The following SV2C variants were observed in gnomAD, a reference collection of about 807,000 sequenced individuals.
SV2C encodes synaptic vesicle glycoprotein 2C.
SV2C carries 49 observed loss-of-function variants against 79.7 expected under a neutral mutation model. That is an observed-to-expected ratio of 0.61 (90% CI 0.49 to 0.78). The LOEUF (loss-of-function observed/expected upper bound fraction) is 0.78, where lower values mean the gene tolerates loss of function less well. Among genes scored for constraint, SV2C ranks in the 30% least tolerant of loss-of-function variants. The pLI, the probability that SV2C is intolerant of heterozygous loss-of-function variation, is 0.00. For synonymous variants in SV2C, 334 were observed against 333.2 expected, an observed-to-expected ratio of 1.00 and a Z score of -0.03; for missense variants, 833 against 912.9, an observed-to-expected ratio of 0.91 and a Z score of 1.13.
chr5:76,294,163 G>A (rs1270730619), intron 8 of SV2C, among the ~76,000 whole-genome samples: 1 of 152,142 alleles, frequency 6.6e-6, no homozygotes, highest in Non-Finnish European at 1.5e-5. Flanking sequence ...CTACTTTAGA[G>A]CAGCACAGTC....
the SV2C span, among the ~76,000 whole-genome samples, chr5:76,033,643 T>C: frequency 5.3e-5 from 8 of 152,226 alleles, no homozygotes; most frequent in Non-Finnish European, 2.9e-5. Flanking sequence ...CTGTTTTAGT[T>C]ACTGTAGCCT....
the SV2C span, among the ~76,000 whole-genome samples, chr5:75,903,484 A>G: frequency 6.6e-6 from 1 of 152,168 alleles, no homozygotes; most frequent in Admixed American, 6.5e-5. Flanking sequence ...TCTCAAAACA[A>G]GTGTGACCTA....
intron 1 of SV2C, among the ~76,000 whole-genome samples, chr5:76,122,447 C>T (rs1279248432): frequency 6.6e-6 from 1 of 151,928 alleles, no homozygotes; most frequent in Non-Finnish European, 1.5e-5. Context: ...CTGTCTTGTG[C>T]CAGTTTTCAA....
intron 4 of SV2C, chr5:76,280,828 C>T: frequency 5.2e-6 from 2 of 387,334 alleles, no homozygotes; most frequent in East Asian, 7.2e-5. Flanking sequence ...TTGGAGCCAG[C>T]AGTTGCAGCC....
At chr5:76,238,655 C>A (rs1034092177) in intron 4 of SV2C, among the ~76,000 whole-genome samples, 5 of 152,216 alleles carry the variant, frequency 3.3e-5, no homozygotes, top group African/African-American at 4.8e-5. Flanking sequence ...TAGCAGCAGG[C>A]AGCCTTTTAA....
At chr5:76,036,501 T>G in the SV2C span, among the ~76,000 whole-genome samples, 2 of 152,026 alleles carry the variant, frequency 1.3e-5, no homozygotes, top group Admixed American at 1.3e-4. Flanking sequence ...CCTTCACTTA[T>G]GAAGCTTAGT....
At chr5:76,149,079 C>T (rs1749523091) in intron 2 of SV2C, among the ~76,000 whole-genome samples, 1 of 152,086 alleles carries the variant, frequency 6.6e-6, no homozygotes, top group Non-Finnish European at 1.5e-5. Flanking sequence ...GCAACCCTAC[C>T]ACTAGTGTTG....
At chr5:76,052,097 C>G in the SV2C span, among the ~76,000 whole-genome samples, 1 of 152,152 alleles carries the variant, frequency 6.6e-6, no homozygotes, top group Non-Finnish European at 1.5e-5. Context: ...AAACCCAAGT[C>G]TTGACACCAT....
chr5:76,027,915 T>C, the SV2C span, among the ~76,000 whole-genome samples: 1 of 152,332 alleles, frequency 6.6e-6, no homozygotes, highest in East Asian at 1.9e-4. Context: ...TACTATTACC[T>C]CTAATTCTCT....
intron 7 of SV2C, 151 bp downstream of exon 7, chr5:76,291,482 C>A: frequency 1.6e-6 from 1 of 633,416 alleles, no homozygotes; most frequent in Non-Finnish European, 2.7e-6. Flanking sequence ...TAATTGGATC[C>A]CACTCGACCA....
At chr5:76,111,972 T>C (rs937770428) in intron 1 of SV2C, among the ~76,000 whole-genome samples, 4 of 152,196 alleles carry the variant, frequency 2.6e-5, no homozygotes, top group Non-Finnish European at 5.9e-5. Flanking sequence ...AAGGTCACAA[T>C]CCACATTTGC....
chr5:76,041,038 C>T, the SV2C span, among the ~76,000 whole-genome samples: 3 of 152,010 alleles, frequency 2.0e-5, no homozygotes, highest in East Asian at 3.9e-4. Flanking sequence ...GTTGAGCTGC[C>T]TGGGAGGGGC....
chr5:76,066,823 T>C, the SV2C span, among the ~76,000 whole-genome samples: 2 of 145,624 alleles, frequency 1.4e-5, no homozygotes, highest in Admixed American at 1.4e-4. Flanking sequence ...AAAAGCATGG[T>C]AGAGAAATTG....
the SV2C span, among the ~76,000 whole-genome samples, chr5:76,062,357 T>C: frequency 6.6e-6 from 1 of 152,092 alleles, no homozygotes; most frequent in African/African-American, 2.4e-5. Flanking sequence ...TCTTTTGCCC[T>C]TCCATCTTCT....
the SV2C span, among the ~76,000 whole-genome samples, chr5:76,069,834 TCACACACACACATACACACACACAAACA>T: frequency 6.8e-6 from 1 of 146,386 alleles, no homozygotes; most frequent in African/African-American, 2.5e-5. Flanking sequence ...TCTCTCTCTC[TCACACACACACATACACACACACAAACA>T]CACACACACA....
chr5:76,063,123 A>G, the SV2C span, among the ~76,000 whole-genome samples: 1 of 152,090 alleles, frequency 6.6e-6, no homozygotes, highest in East Asian at 1.9e-4. Context: ...AATATGTGAT[A>G]ATCTTTACCC....
the SV2C span, among the ~76,000 whole-genome samples, chr5:76,016,079 A>G: frequency 4.0e-5 from 6 of 151,790 alleles, no homozygotes; most frequent in Non-Finnish European, 8.8e-5. Context: ...TAAAAGATAT[A>G]ATTAAGACTA....
At chr5:75,879,214 C>T in the SV2C span, among the ~76,000 whole-genome samples, 3 of 152,112 alleles carry the variant, frequency 2.0e-5, no homozygotes, top group Non-Finnish European at 4.4e-5. Flanking sequence ...CATTCTGCCC[C>T]AGGCCCACCC....
intron 4 of SV2C, among the ~76,000 whole-genome samples, chr5:76,210,125 G>A (rs4703699): frequency 0.99 from 150,515 of 152,368 alleles, 74,351 homozygotes; most frequent in Middle Eastern, 1. Context: ...TTCCTCTGCT[G>A]TGCTTTCACA....
Sources: allele counts gnomAD v4.1 joint callset (sites outside exome capture counted in the v4.1 genomes callset), GRCh38; gene constraint gnomAD v4.1.1; transcripts MANE v1.5; gene names NCBI Gene and HGNC (gene_info 2026-07-23, HGNC 2026-07-21).